Variants in MCF2L observed in about 807,000 individuals in gnomAD.
The protein encoded by MCF2L is MCF.2 cell line derived transforming sequence like.
In MCF2L, 97 loss-of-function variants were observed where a neutral mutation model predicts 153.4. That is an observed-to-expected ratio of 0.63 (90% CI 0.54 to 0.75). MCF2L has a LOEUF of 0.75. Ranked by LOEUF, MCF2L falls within the 30% of genes least tolerant of loss-of-function variation. The pLI is 0.00. For missense variants in MCF2L, 1,347 were observed against 1,495.2 expected (o/e 0.90, Z 1.64); for synonymous variants, 659 against 632.2 (o/e 1.04, Z -0.64).
chr13:112,956,286 G>A (rs2081756650), intron 2 of MCF2L: 1 of 152,252 alleles, frequency 6.6e-6, no homozygotes, highest in Admixed American at 6.5e-5. Flanking sequence ...AAAAGAAAAT[G>A]TTTCACCTTT....
At chr13:113,043,001 G>C (rs1243067474) in intron 3 of MCF2L, 1 of 152,236 alleles carries the variant, frequency 6.6e-6, no homozygotes, top group African/African-American at 2.4e-5. Flanking sequence ...CGCCGCTCAG[G>C]CAGCGCTGCG....
At chr13:113,084,646 T>C (rs2034459798) in intron 18 of MCF2L, 2 of 564,652 alleles carry the variant, frequency 3.5e-6, no homozygotes, top group African/African-American at 3.7e-5. Context: ...TCCACGCCTG[T>C]GCTCTGGGAA....
chr13:112,900,627 G>A (rs1047543142), intron 1 of MCF2L, among the ~76,000 whole-genome samples: 4 of 152,108 alleles, frequency 2.6e-5, no homozygotes, highest in African/African-American at 9.7e-5. Flanking sequence ...GAGCTTGTGT[G>A]TTGGGGGAAG....
chr13:113,014,743 C>T lies in MCF2L; in HGVS notation c.80-20C>T, dbSNP rs768494711. On this transcript the variant is annotated intron_variant, in intron 1 of 29. Transcript: ENST00000535094. Reference sequence around the variant, plus strand: ...GCAGCTTCCTGGGACTGACACGTGCCGTCTGCTCTTTCCGTGCAGATGAAA... The same window carrying T: ...GCAGCTTCCTGGGACTGACACGTGCTGTCTGCTCTTTCCGTGCAGATGAAA... 7.5e-6 allele frequency: 12 copies of T among 1,610,102 alleles called. No homozygotes were observed. In the East Asian group the frequency reaches 8.9e-5, roughly 12 times the overall value.
chr13:113,080,448 G>A (rs936568417), intron 15 of MCF2L, among the ~76,000 whole-genome samples: 3 of 152,164 alleles, frequency 2.0e-5, no homozygotes, highest in South Asian at 2.1e-4. Context: ...CCCCTGTGCC[G>A]AGTCCGGGGC....
Position 113,045,660 on chromosome 13 carries a change from A to C in MCF2L, c.369+299A>C. ...GAACACCAAGTCTGAGATGCTCGGG[A>C]CTGAATATGCCTCTTACATATTTAT... is the stretch of plus-strand genomic sequence containing the variant. On this transcript the variant is annotated intron_variant, in intron 4 of 29. Coordinates refer to ENST00000535094, the MANE Select transcript of MCF2L (RefSeq NM_001112732.3). The surrounding 1 kb of genome is among the most constrained non-coding windows in gnomAD (Gnocchi z 4.2). 1 of 477,014 alleles carries C rather than the reference A, an allele frequency of 2.1e-6. No individual in the cohort carries two copies. Among genetic ancestry groups the C allele is most frequent in the Non-Finnish European group, 3.8e-6 (1 of 261,902 alleles). The allele number at this position is 477,014 out of a possible 1,614,324, so 29.5% of individuals were successfully genotyped here.
In MCF2L at chr13:113,096,845, G is replaced by A. The variant is rs577482036; in HGVS notation, c.3364G>A (p.Asp1122Asn). 3.5e-5 allele frequency: 52 copies of A among 1,492,672 alleles called. No homozygotes were observed. The East Asian group carries it at 1.0e-3, about 30-fold the overall frequency. The allele number at this position is 1,492,672 out of a possible 1,614,324, so 92.5% of individuals were successfully genotyped here. A position where few individuals can be genotyped will look rare whatever the true frequency, so the allele number is the denominator to read the frequency against. ...CSEGGQAPFSDLQG is the reference protein window; with the variant it reads ...CSEGGQAPFSNLQG ...CGAGGGCGGCCAGGCCCCCTTCTCCGACCTGCAGGGGTAGCGCGGCCTCGG... is the reference window on the plus strand; with the variant it reads ...CGAGGGCGGCCAGGCCCCCTTCTCCAACCTGCAGGGGTAGCGCGGCCTCGG... The change falls in exon 30 of 30, where the codon GAC becomes AAC. Residue 1122 changes from aspartate (D) to asparagine (N), a missense_variant. Asp to Asn is a conservative substitution (Grantham distance 23). This residue lies in a region of MCF2L where 383 missense variants were observed against 335.4 expected (regional missense o/e 1.14). Coordinates refer to ENST00000535094, the MANE Select transcript of MCF2L (RefSeq NM_001112732.3).
rs545620631 is a variant in MCF2L, at chr13:113,016,866, C to T, written c.163+2020C>T. On this transcript the variant is annotated intron_variant, in intron 2 of 29. Coordinates refer to ENST00000535094, the MANE Select transcript of MCF2L (RefSeq NM_001112732.3). The stretch of plus-strand genomic sequence containing the variant: ...CTTCGTTACACCACCTCACGTCCTC[C>T]CGTGTGTGGCGTGGGTCCCTCCTGA... Among the ~76,000 whole-genome samples, 16 of 152,314 alleles carry T rather than the reference C, an allele frequency of 1.1e-4. No homozygotes were observed. In the East Asian group the frequency reaches 3.1e-3, roughly 29 times the overall value.
chr13:112,918,834 T>G (rs1425840286), intron 2 of MCF2L, among the ~76,000 whole-genome samples: 1 of 152,118 alleles, frequency 6.6e-6, no homozygotes, highest in African/African-American at 2.4e-5. Flanking sequence ...GCCCAGACTT[T>G]CACGAGCGGG....
At chr13:112,954,600 T>C (rs2081734877) in intron 2 of MCF2L, among the ~76,000 whole-genome samples, 1 of 152,182 alleles carries the variant, frequency 6.6e-6, no homozygotes, top group South Asian at 2.1e-4. Context: ...TGGCCCTCAG[T>C]GGGCTCTTCC....
At chr13:112,972,268 G>A (rs550896982) in intron 1 of MCF2L, among the ~76,000 whole-genome samples, 2 of 150,934 alleles carry the variant, frequency 1.3e-5, no homozygotes, top group South Asian at 4.3e-4. Flanking sequence ...TGGATGGGTG[G>A]GTGGATGAAT....
At position 112,969,586 on chromosome 13, in the gene MCF2L, T is replaced by TG; in HGVS notation, c.79+134dup. 4.1e-6 allele frequency: 6 copies of TG among 1,468,522 alleles called. No individual in the cohort carries two copies. The highest frequency in any genetic ancestry group is 2.6e-5 in the East Asian group (1 of 38,796). 91.0% of individuals were successfully genotyped at this position (1,468,522 alleles called of 1,614,324 possible). A position where few individuals can be genotyped will look rare whatever the true frequency, so the allele number is the denominator to read the frequency against. ...CTTTCTAGCCGTGGTAGCTGTGACA[T>TG]GGGGGGCACTGGTTGGCAGCTGGTG... On this transcript the variant is annotated intron_variant, in intron 1 of 29. Transcript: ENST00000535094. This position sits in a 1 kb window ranked among gnomAD's most constrained non-coding sequence, Gnocchi z 4.8.
At position 112,983,009 on chromosome 13, in the gene MCF2L, C is replaced by T. The variant is rs1193336894; in HGVS notation, c.79+13551C>T. On this transcript the variant is annotated intron_variant, in intron 1 of 29. Transcript: ENST00000535094. This position sits in a 1 kb window ranked among gnomAD's most constrained non-coding sequence, Gnocchi z 4.0. ...GGTGACGCTCAGGAGGCGCTGGTTC[C>T]AGTGGGGAGGTTGGGGAAAGCACTT... 6.6e-6 allele frequency among the ~76,000 whole-genome samples: 1 copy of T among 151,998 alleles called. No homozygotes were observed. The highest frequency in any genetic ancestry group is 1.5e-5 in the Non-Finnish European group (1 of 68,002).
Position 113,078,680 on chromosome 13 carries a change from G to C in MCF2L, c.1749G>C (p.Glu583Asp). ...TTTCTCCCCAGAGTGAGATGAGTGAGAGCCGGCAGGGCCGCGGCTCAGCGG... is the reference window on the plus strand; with the variant it reads ...TTTCTCCCCAGAGTGAGATGAGTGACAGCCGGCAGGGCCGCGGCTCAGCGG... ...PYRRAKSEMS[E>D]SRQGRGSAGE... Residue 583 changes from glutamate to aspartate, a missense_variant, in exon 15 of 30, where the codon GAG (glutamate) becomes GAC (aspartate). This residue lies in a region of MCF2L where 820 missense variants were observed against 921.2 expected (regional missense o/e 0.89). Coordinates refer to ENST00000535094, the MANE Select transcript of MCF2L (RefSeq NM_001112732.3). The C allele has an allele frequency of 6.2e-7, 1 of 1,612,092 alleles. No homozygotes were observed. The highest frequency in any genetic ancestry group is 8.5e-7 in the Non-Finnish European group (1 of 1,179,766).
At chr13:112,958,725 A>G (rs987868637) in intron 2 of MCF2L, among the ~76,000 whole-genome samples, 1 of 152,196 alleles carries the variant, frequency 6.6e-6, no homozygotes, top group East Asian at 1.9e-4. Context: ...GCCTCTCCTC[A>G]TGCAGCTCCT....
At chr13:112,916,721 G>T (rs963380534) in intron 2 of MCF2L, among the ~76,000 whole-genome samples, 1 of 152,102 alleles carries the variant, frequency 6.6e-6, no homozygotes, top group Non-Finnish European at 1.5e-5. Flanking sequence ...GTGGTCCTCC[G>T]AGTGGTCCTT....
intron 2 of MCF2L, among the ~76,000 whole-genome samples, chr13:112,913,810 C>T (rs937415593): frequency 1.3e-5 from 2 of 152,090 alleles, no homozygotes; most frequent in African/African-American, 4.8e-5. Flanking sequence ...TTTAATTTTG[C>T]ACTCCATTTC....
At chr13:112,968,118 C>CTCTT (rs1555355432), upstream of MCF2L, 18 of 193,402 alleles carry the variant, frequency 9.3e-5, no homozygotes, top group Admixed American at 4.2e-4. Flanking sequence ...CTCTCTCTCT[C>CTCTT]TTTTAACTGA....
At chr13:112,944,569 CTTTTTT>C (rs34676086) in intron 2 of MCF2L, among the ~76,000 whole-genome samples, 5 of 102,178 alleles carry the variant, frequency 4.9e-5, no homozygotes, top group Admixed American at 2.1e-4. Flanking sequence ...TAAACCTGAA[CTTTTTT>C]TTTTTTTTTT....
Sources: gnomAD v4.1 joint callset for allele counts (sites outside exome capture counted in the v4.1 genomes callset) on GRCh38, gnomAD v4.1.1 for gene constraint, gnomAD v4.1.1 regional missense constraint, Gnocchi (gnomAD v3.1) non-coding constraint, MANE v1.5 for transcripts, NCBI Gene and HGNC (gene_info 2026-07-23, HGNC 2026-07-21) for gene names.